INPP5A: variants seen among roughly 807,000 people sequenced by gnomAD.
The protein encoded by INPP5A is inositol polyphosphate-5-phosphatase A.
A neutral mutation model predicts 65.2 loss-of-function variants in INPP5A; 14 were observed. The observed-to-expected ratio is 0.21, with a 90% CI of 0.14 to 0.34. The LOEUF (loss-of-function observed/expected upper bound fraction) is 0.34. Ranked by LOEUF, INPP5A falls within the 10% of genes least tolerant of loss-of-function variation. The probability of loss-of-function intolerance (pLI) is 1.00; values close to 1 mark genes in which losing one functional copy is unlikely to be tolerated. For synonymous variants in INPP5A, 207 were observed against 208.3 expected (o/e 0.99, Z 0.05); for missense variants, 431 against 545.6 (o/e 0.79, Z 2.09).
intron 1 of INPP5A, among the ~76,000 whole-genome samples, chr10:132,579,972 C>T (rs2071461877): frequency 6.7e-6 from 1 of 150,082 alleles, no homozygotes; most frequent in South Asian, 2.1e-4. Context: ...GGCTGGTCCA[C>T]TCCCGATACT....
intron 1 of INPP5A, among the ~76,000 whole-genome samples, chr10:132,573,304 T>G (rs1322616930): frequency 1.1e-4 from 15 of 141,692 alleles, no homozygotes; most frequent in Middle Eastern, 4.0e-3. Context: ...GTGTGCTGTG[T>G]GAGGTTTTGT....
chr10:132,655,358 A>G lies in INPP5A; in HGVS notation c.306+4853A>G, dbSNP rs113143134. ...ACGTTGGTACCCAGAGAAATTTCTT[A>G]GCCACCGCGGTGCATCCTCCCACAC... is the stretch of plus-strand genomic sequence containing the variant. On this transcript the variant is annotated intron_variant, in intron 4 of 15. Transcript: ENST00000368594. Among the ~76,000 whole-genome samples the G allele has an allele frequency of 4.0e-3, 613 of 152,208 alleles. 2 individuals are homozygous for G. The highest frequency in any genetic ancestry group is 0.014 in the African/African-American group (582 of 41,552).
At chr10:132,643,630 G>A (rs2072455597) in intron 2 of INPP5A, among the ~76,000 whole-genome samples, 1 of 152,238 alleles carries the variant, frequency 6.6e-6, no homozygotes, top group Non-Finnish European at 1.5e-5. Context: ...GGGCATGAGA[G>A]GAAGTCAAAG....
At chr10:132,607,187 C>T (rs951932711) in intron 1 of INPP5A, among the ~76,000 whole-genome samples, 1 of 152,170 alleles carries the variant, frequency 6.6e-6, no homozygotes, top group East Asian at 1.9e-4. Context: ...GGGTGGAGAG[C>T]GACTGGGCCG....
chr10:132,682,287 G>C (rs552387843), intron 4 of INPP5A, among the ~76,000 whole-genome samples: 1 of 150,248 alleles, frequency 6.7e-6, no homozygotes, highest in Non-Finnish European at 1.5e-5. Context: ...CAGCTGGGAA[G>C]GTGGACAGTG....
intron 1 of INPP5A, among the ~76,000 whole-genome samples, chr10:132,605,980 A>G (rs565195160): frequency 6.6e-6 from 1 of 152,188 alleles, no homozygotes; most frequent in Non-Finnish European, 1.5e-5. Flanking sequence ...TGTTGGGGGA[A>G]GTCATATCCA....
chr10:132,670,843 CTTTTTTTTT>C (rs11289296), intron 4 of INPP5A, among the ~76,000 whole-genome samples: 3 of 117,022 alleles, frequency 2.6e-5, no homozygotes, highest in Non-Finnish European at 5.2e-5. Context: ...GTCTTTCTTT[CTTTTTTTTT>C]TTTTTTTTTT....
chr10:132,765,726 C>T (rs1487238108), intron 11 of INPP5A, 47 bp from the exon 12 acceptor site: 5 of 1,186,764 alleles, frequency 4.2e-6, no homozygotes, highest in East Asian at 2.3e-5. Context: ...GTGCCCCCAG[C>T]GAGGAAAACC....
At chr10:132,778,594 C>T (rs369480228) in intron 13 of INPP5A, among the ~76,000 whole-genome samples, 111 of 152,248 alleles carry the variant, frequency 7.3e-4, no homozygotes, top group African/African-American at 2.6e-3. Flanking sequence ...TGCGGGTGTG[C>T]GTGGGAACTG....
At chr10:132,714,506 G>A (rs866304566) in intron 8 of INPP5A, among the ~76,000 whole-genome samples, 1 of 152,136 alleles carries the variant, frequency 6.6e-6, no homozygotes, top group African/African-American at 2.4e-5. Flanking sequence ...GGGAGACAGC[G>A]AGGAGGCTCC....
chr10:132,733,384 C>G (rs1278067562), intron 9 of INPP5A, among the ~76,000 whole-genome samples: 1 of 152,148 alleles, frequency 6.6e-6, no homozygotes. Context: ...CTTTGAAAGC[C>G]CTACCTAAAA....
Position 132,552,868 on chromosome 10 carries a change from C to T in INPP5A, c.75+14697C>T, listed in dbSNP as rs1200573870. Among the ~76,000 whole-genome samples, 11 of 132,308 alleles carry T rather than the reference C, an allele frequency of 8.3e-5. No homozygotes were observed. In the South Asian group the frequency reaches 1.0e-3, roughly 13 times the overall value. The allele number at this position is 132,308 out of a possible 152,430, so 86.8% of individuals were successfully genotyped here. A position where few individuals can be genotyped will look rare whatever the true frequency, so the allele number is the denominator to read the frequency against. On this transcript the variant is annotated intron_variant, in intron 1 of 15. Transcript: ENST00000368594. ...AGGACAGGGAGGGAGGACTGGTGAA[C>T]GCCTTCTCAGAGCCTTGGTGGCATA...
intron 1 of INPP5A, among the ~76,000 whole-genome samples, chr10:132,604,314 C>T (rs2071815220): frequency 6.6e-6 from 1 of 151,444 alleles, no homozygotes; most frequent in African/African-American, 2.4e-5. Context: ...AGGGTCCCCT[C>T]TCTGGCGCGC....
At chr10:132,570,641 C>T (rs1306204604) in intron 1 of INPP5A, among the ~76,000 whole-genome samples, 1 of 152,118 alleles carries the variant, frequency 6.6e-6, no homozygotes, top group Non-Finnish European at 1.5e-5. Context: ...TCGTTTTCAG[C>T]TCTTGTGTTT....
At chr10:132,773,141 C>T (rs561931184) in intron 12 of INPP5A, among the ~76,000 whole-genome samples, 21 of 152,208 alleles carry the variant, frequency 1.4e-4, no homozygotes, top group Admixed American at 2.0e-4. Context: ...ACCCATGTCC[C>T]GTGTGCACTC....
At chr10:132,630,778 G>T (rs970694995) in intron 2 of INPP5A, among the ~76,000 whole-genome samples, 3 of 150,690 alleles carry the variant, frequency 2.0e-5, no homozygotes, top group Non-Finnish European at 4.4e-5. Flanking sequence ...TGCCCTGTGC[G>T]GTGGTGGGGG....
chr10:132,655,156 A>T (rs1282007468), intron 4 of INPP5A, among the ~76,000 whole-genome samples: 1 of 152,200 alleles, frequency 6.6e-6, no homozygotes, highest in Non-Finnish European at 1.5e-5. Flanking sequence ...AAGTGGCGAG[A>T]GCCAGGCTGG....
At chr10:132,564,452 A>G (rs1450131560) in intron 1 of INPP5A, among the ~76,000 whole-genome samples, 1 of 152,074 alleles carries the variant, frequency 6.6e-6, no homozygotes, top group Admixed American at 6.5e-5. Flanking sequence ...AGGGTCTCCC[A>G]GAGCCCCTGG....
intron 2 of INPP5A, among the ~76,000 whole-genome samples, chr10:132,617,277 A>G (rs2072048831): frequency 6.6e-6 from 1 of 152,086 alleles, no homozygotes; most frequent in Non-Finnish European, 1.5e-5. Flanking sequence ...CCCGCCCTTC[A>G]GAGCTCCTGT....
Sources: allele counts gnomAD v4.1 joint callset (sites outside exome capture counted in the v4.1 genomes callset), GRCh38; gene constraint gnomAD v4.1.1; transcripts MANE v1.5; gene names NCBI Gene and HGNC (gene_info 2026-07-23, HGNC 2026-07-21).